CCAR1: variants seen among roughly 807,000 people sequenced by gnomAD.
The protein encoded by CCAR1 is cell division cycle and apoptosis regulator protein 1.
A neutral mutation model predicts 163.8 loss-of-function variants in CCAR1; 78 were observed. The ratio of observed to expected loss-of-function variants is 0.48; its 90% CI spans 0.40 to 0.57. The LOEUF (loss-of-function observed/expected upper bound fraction) is 0.57. CCAR1 is among the 20% of genes least tolerant of loss of function. The pLI, the probability that CCAR1 is intolerant of heterozygous loss-of-function variation, is 0.00. For synonymous variants in CCAR1, 443 were observed against 460.7 expected, an observed-to-expected ratio of 0.96 and a Z score of 0.49; for missense variants, 1,019 against 1,365.2, an observed-to-expected ratio of 0.75 and a Z score of 4.00.
At chr10:68,727,380 G>A (rs905391658) in intron 2 of CCAR1, among the ~76,000 whole-genome samples, 1 of 152,090 alleles carries the variant, frequency 6.6e-6, no homozygotes, top group Non-Finnish European at 1.5e-5. Flanking sequence ...TCTAAGAGAT[G>A]AGGAAATTGA....
At chr10:68,785,252 G>A (rs1421039732) in intron 19 of CCAR1, among the ~76,000 whole-genome samples, 3 of 145,882 alleles carry the variant, frequency 2.1e-5, no homozygotes, top group Non-Finnish European at 3.0e-5. Context: ...ACAGGGTCTC[G>A]CTTTGTTTTC....
intron 8 of CCAR1, among the ~76,000 whole-genome samples, chr10:68,748,282 C>T (rs1389516777): frequency 6.6e-6 from 1 of 151,964 alleles, no homozygotes; most frequent in African/African-American, 2.4e-5. Context: ...CGCCTGTAAC[C>T]TCAGCTACTC....
At position 68,756,395 on chromosome 10, in the gene CCAR1, G is replaced by A. The variant is rs142459122; in HGVS notation, c.1748G>A (p.Arg583His). Residue 583 changes from arginine to histidine, a missense_variant, in exon 14 of 25, where the codon CGC becomes CAC. Physicochemically the swap from Arg to His is conservative, Grantham distance 29 (BLOSUM62 0). Transcript: ENST00000265872. This position sits in a 1 kb window ranked among gnomAD's most constrained non-coding sequence, Gnocchi z 5.1. ...FPDVWHCLPT[R>H]SEWETLSRGY... ...GATGTTTGGCATTGCCTTCCCACCC[G>A]CTCAGAGTGGGAAACCCTCTCCCGA... The A allele has an allele frequency of 5.0e-6, 8 of 1,613,664 alleles. No homozygotes were observed. The highest frequency in any genetic ancestry group is 1.7e-5 in the Admixed American group (1 of 59,964).
intron 13 of CCAR1, 41 bp downstream of exon 13, chr10:68,755,577 A>T: frequency 6.5e-7 from 1 of 1,543,692 alleles, no homozygotes; most frequent in Non-Finnish European, 8.9e-7. Context: ...TGTTTTACTG[A>T]TAGTTTATGT....
At chr10:68,737,917 C>T in intron 4 of CCAR1, 28 bp downstream of exon 4, 1 of 1,496,450 alleles carries the variant, frequency 6.7e-7, no homozygotes, top group Non-Finnish European at 9.2e-7. Context: ...GTGTTAAAAA[C>T]TGATTTTAAA....
chr10:68,747,143 T>TC lies in CCAR1; in HGVS notation c.519-18_519-17insC. 1.5e-6 allele frequency: 2 copies of TC among 1,341,890 alleles called. No homozygotes were observed. The highest frequency in any genetic ancestry group is 1.3e-5 in the South Asian group (1 of 74,518). 83.1% of individuals were successfully genotyped at this position (1,341,890 alleles called of 1,614,324 possible). On this transcript the variant is annotated splice_polypyrimidine_tract_variant and intron_variant, in intron 6 of 24. Transcript: ENST00000265872. ...ATTGTATTTATATTTAACTTTTTTT[T>TC]TCTTTTTTTTTTTACAGTGCTGTCA...
chr10:68,785,987 G>T lies in CCAR1; in HGVS notation c.2651-149G>T, dbSNP rs2056791151. The T allele has an allele frequency of 5.7e-5, 31 of 548,260 alleles. 2 individuals are homozygous for T. The South Asian group carries it at 8.5e-4, about 15-fold the overall frequency. 34.0% of individuals were successfully genotyped at this position (548,260 alleles called of 1,614,324 possible). On this transcript the variant is annotated intron_variant, in intron 19 of 24. Transcript: ENST00000265872. ...AGACAGGGTCTTGATCTGTCACCCA[G>T]ACTGGAGTGCAGTGGTATAGTCATA...
chr10:68,769,754 A>T (rs2056578757), intron 17 of CCAR1, among the ~76,000 whole-genome samples: 1 of 150,724 alleles, frequency 6.6e-6, no homozygotes, highest in Admixed American at 6.6e-5. Context: ...ATCCTGGCTA[A>T]CACGGTGAAA....
At chr10:68,729,053 A>G (rs559592546) in intron 2 of CCAR1, among the ~76,000 whole-genome samples, 3 of 152,174 alleles carry the variant, frequency 2.0e-5, no homozygotes, top group Non-Finnish European at 2.9e-5. Context: ...ATGTGTGACT[A>G]TTAAGCCCCT....
intron 10 of CCAR1, among the ~76,000 whole-genome samples, chr10:68,753,165 G>C (rs2056356077): frequency 6.6e-6 from 1 of 151,972 alleles, no homozygotes; most frequent in Non-Finnish European, 1.5e-5. Flanking sequence ...TGACCTTTCA[G>C]TTCCTCTCTT....
intron 2 of CCAR1, 74 bp downstream of exon 2, chr10:68,722,651 G>A: frequency 8.4e-7 from 1 of 1,188,480 alleles, no homozygotes; most frequent in East Asian, 2.3e-5. Context: ...AGGGCCGGGG[G>A]TGGTGGCTCA....
At chr10:68,758,503 A>AGTGTGTGTGT (rs71028777) in intron 15 of CCAR1, among the ~76,000 whole-genome samples, 156 of 124,604 alleles carry the variant, frequency 1.3e-3, no homozygotes, top group African/African-American at 3.9e-3. Flanking sequence ...CATCCTGGGC[A>AGTGTGTGTGT]GTGTGTGTGT....
At chr10:68,763,767 G>C (rs1041319134) in intron 16 of CCAR1, among the ~76,000 whole-genome samples, 1 of 152,140 alleles carries the variant, frequency 6.6e-6, no homozygotes, top group Non-Finnish European at 1.5e-5. Flanking sequence ...TTATTTTCGT[G>C]ATGAAATTGT....
chr10:68,721,600 C>T, intron 1 of CCAR1: 1 of 448,386 alleles, frequency 2.2e-6, no homozygotes, highest in Non-Finnish European at 4.5e-6. Flanking sequence ...CCTCCTGGCC[C>T]CCCGGCCCGG....
chr10:68,727,062 AT>A (rs565069348), intron 2 of CCAR1, among the ~76,000 whole-genome samples: 22 of 138,096 alleles, frequency 1.6e-4, no homozygotes, highest in South Asian at 4.6e-4. Flanking sequence ...CCTAAACTAG[AT>A]TTTTTTTTTT....
In CCAR1 at chr10:68,737,836, A is replaced by C. The variant is rs1326782483; in HGVS notation, c.247-9A>C. The C allele has an allele frequency of 1.3e-6, 2 of 1,572,496 alleles. No homozygotes were observed. Among genetic ancestry groups the C allele is most frequent in the East Asian group, 2.3e-5 (1 of 44,076 alleles). ...TTTTTCTTTGAAAAATTTTTTTTTA[A>C]TCTTTCAGCAATATTCACAACCTCA... On this transcript the variant is annotated splice_polypyrimidine_tract_variant and intron_variant, in intron 3 of 24. Transcript: ENST00000265872.
chr10:68,723,160 C>G (rs964181329), intron 2 of CCAR1, among the ~76,000 whole-genome samples: 1 of 150,182 alleles, frequency 6.7e-6, no homozygotes, highest in Non-Finnish European at 1.5e-5. Context: ...CTTGCTCTGT[C>G]GCCCAGGCTG....
intron 3 of CCAR1, 98 bp downstream of exon 3, chr10:68,737,146 T>A (rs1037346430): frequency 1.2e-6 from 1 of 800,282 alleles, no homozygotes; most frequent in Non-Finnish European, 2.0e-6. Context: ...TGAAGAATTA[T>A]GTGTTTTTAT....
rs2056815178 is a variant in CCAR1, at chr10:68,788,065, A to G, written c.3001+18A>G. Reference sequence around the variant, plus strand: ...TATGCTAGGTCTGAGTAATATTAAGATTTTGCTTTTTAATAAATATACTAG... The same window carrying G: ...TATGCTAGGTCTGAGTAATATTAAGGTTTTGCTTTTTAATAAATATACTAG... On this transcript the variant is annotated intron_variant, in intron 22 of 24. Coordinates refer to ENST00000265872, the MANE Select transcript of CCAR1 (RefSeq NM_018237.4). The G allele has an allele frequency of 6.4e-7, 1 of 1,568,588 alleles. No homozygotes were observed. Among genetic ancestry groups the G allele is most frequent in the Non-Finnish European group, 8.6e-7 (1 of 1,164,268 alleles).
Sources: allele counts gnomAD v4.1 joint callset (sites outside exome capture counted in the v4.1 genomes callset), GRCh38; gene constraint gnomAD v4.1.1; non-coding constraint Gnocchi (gnomAD v3.1); transcripts MANE v1.5; gene names NCBI Gene and HGNC (gene_info 2026-07-23, HGNC 2026-07-21).